Variants in ITCH observed in about 807,000 individuals in gnomAD.
ITCH encodes the protein itchy E3 ubiquitin protein ligase.
In ITCH, 28 loss-of-function variants were observed where a neutral mutation model predicts 126.8. That is an observed-to-expected ratio of 0.22 (90% confidence interval 0.16 to 0.30). The LOEUF (loss-of-function observed/expected upper bound fraction) is 0.30. Among genes scored for constraint, ITCH ranks in the 10% least tolerant of loss-of-function variants. The probability of loss-of-function intolerance (pLI) is 1.00; values close to 1 mark genes in which losing one functional copy is unlikely to be tolerated. For missense variants in ITCH, 631 were observed against 1,032.4 expected (o/e 0.61, Z 5.33); for synonymous variants, 342 against 340.0 (o/e 1.01, Z -0.06).
intron 20 of ITCH, among the ~76,000 whole-genome samples, chr20:34,483,573 C>T (rs972924951): frequency 1.3e-5 from 2 of 152,180 alleles, no homozygotes; most frequent in African/African-American, 4.8e-5. Flanking sequence ...AAAAGTTTCT[C>T]ATTTCCATCT....
intron 3 of ITCH, among the ~76,000 whole-genome samples, chr20:34,400,619 G>A (rs2038841531): frequency 6.8e-6 from 1 of 146,378 alleles, no homozygotes; most frequent in South Asian, 2.2e-4. Flanking sequence ...TTGTGTTTTA[G>A]AAAGTTAGAA....
chr20:34,384,776 T>A (rs1190607409), intron 2 of ITCH, among the ~76,000 whole-genome samples: 1 of 149,366 alleles, frequency 6.7e-6, no homozygotes, highest in Non-Finnish European at 1.5e-5. Flanking sequence ...TTCTCCTGCC[T>A]CAGCCTCCCA....
At chr20:34,456,001 G>A (rs375649050) in intron 12 of ITCH, among the ~76,000 whole-genome samples, 18 of 151,228 alleles carry the variant, frequency 1.2e-4, no homozygotes, top group African/African-American at 4.1e-4. Flanking sequence ...ATTAAGGAAC[G>A]AGATATGTTA....
intron 3 of ITCH, 99 bp from the exon 4 acceptor site, chr20:34,408,552 G>T: frequency 8.8e-7 from 1 of 1,134,164 alleles, no homozygotes; most frequent in Non-Finnish European, 1.3e-6. Context: ...CTGCTTCTCT[G>T]AGTAAATTTA....
chr20:34,470,795 G>A (rs1240219910), intron 15 of ITCH, among the ~76,000 whole-genome samples: 1 of 152,074 alleles, frequency 6.6e-6, no homozygotes, highest in African/African-American at 2.4e-5. Context: ...ATGTTGCCCA[G>A]GCTGGTTTTG....
intron 2 of ITCH, among the ~76,000 whole-genome samples, chr20:34,381,356 C>T (rs887174937): frequency 6.6e-5 from 10 of 151,768 alleles, no homozygotes; most frequent in South Asian, 4.2e-4. Flanking sequence ...AATCTCAGCT[C>T]ACTGCAGCCT....
chr20:34,472,765 A>G (rs1987772715), intron 16 of ITCH, among the ~76,000 whole-genome samples: 1 of 152,230 alleles, frequency 6.6e-6, no homozygotes, highest in African/African-American at 2.4e-5. Context: ...GTAGGAGCAG[A>G]AAACTTTTTA....
rs1199023067 is a variant in ITCH, at chr20:34,389,057, A to G, written c.-21-4734A>G. Among the ~76,000 whole-genome samples, 3 of 152,194 alleles carry G rather than the reference A, an allele frequency of 2.0e-5. No homozygotes were observed. In the East Asian group the frequency reaches 5.8e-4, roughly 29 times the overall value. Reference sequence around the variant, plus strand: ...CCACCACATATAACCACGTCAGTGCATGCTCTGAAGTACGCCCTGTGGAAC... The same window carrying G: ...CCACCACATATAACCACGTCAGTGCGTGCTCTGAAGTACGCCCTGTGGAAC... On this transcript the variant is annotated intron_variant, in intron 2 of 24. Coordinates refer to ENST00000374864, the MANE Select transcript of ITCH (RefSeq NM_031483.7).
chr20:34,419,336 A>ATAT (rs1980416757), intron 6 of ITCH, among the ~76,000 whole-genome samples: 1 of 152,108 alleles, frequency 6.6e-6, no homozygotes, highest in South Asian at 2.1e-4. Context: ...TTTTCTTCCT[A>ATAT]TATTATTCCT....
At chr20:34,419,742 C>T (rs776375906) in intron 6 of ITCH, among the ~76,000 whole-genome samples, 31 of 152,202 alleles carry the variant, frequency 2.0e-4, no homozygotes, top group Non-Finnish European at 4.3e-4. Context: ...GCAAGCTCCG[C>T]CTTGCCGGTT....
intron 22 of ITCH, 56 bp from the exon 23 acceptor site, chr20:34,492,445 T>G (rs1474757318): frequency 5.7e-6 from 6 of 1,061,766 alleles, no homozygotes; most frequent in Non-Finnish European, 8.8e-6. Context: ...CTTTCTTGTT[T>G]AGTGTGCTGA....
At chr20:34,464,101 A>T (rs1199127772) in intron 14 of ITCH, among the ~76,000 whole-genome samples, 1 of 150,466 alleles carries the variant, frequency 6.6e-6, no homozygotes, top group African/African-American at 2.4e-5. Flanking sequence ...CAGCCTCCGA[A>T]GTAGCTGGGC....
chr20:34,445,260 G>GTTTT (rs376762756), intron 10 of ITCH, 27 bp from the exon 11 acceptor site: 1,108 of 1,433,868 alleles, frequency 7.7e-4, no homozygotes, highest in South Asian at 1.6e-3. Flanking sequence ...GAATTAGCTT[G>GTTTT]TTTTTTTTTT....
At chr20:34,449,369 G>A in intron 11 of ITCH, 42 bp from the exon 12 acceptor site, 1 of 1,207,926 alleles carries the variant, frequency 8.3e-7, no homozygotes, top group Non-Finnish European at 1.2e-6. Flanking sequence ...CAGATAAGTT[G>A]TTAAGTTGTT....
intron 7 of ITCH, among the ~76,000 whole-genome samples, chr20:34,425,874 G>T (rs1981446720): frequency 6.6e-6 from 1 of 152,218 alleles, no homozygotes; most frequent in African/African-American, 2.4e-5. Context: ...TTGAGCGCCG[G>T]TCTCCTGGGC....
At chr20:34,499,174 C>T (rs934892413) in intron 23 of ITCH, among the ~76,000 whole-genome samples, 2 of 150,092 alleles carry the variant, frequency 1.3e-5, no homozygotes, top group African/African-American at 4.9e-5. Context: ...CGGGGTTTCA[C>T]CGCGTTAGCC....
At chr20:34,488,387 T>C (rs1413666051) in intron 20 of ITCH, among the ~76,000 whole-genome samples, 1 of 152,184 alleles carries the variant, frequency 6.6e-6, no homozygotes, top group African/African-American at 2.4e-5. Context: ...AATCCTCATG[T>C]CGTAGAGACA....
At chr20:34,369,311 G>T in intron 1 of ITCH, 83 bp from the exon 2 acceptor site, 1 of 384,948 alleles carries the variant, frequency 2.6e-6, no homozygotes, top group South Asian at 1.4e-4. Flanking sequence ...CTAGCCTGGC[G>T]ACAGAGCAAG....
chr20:34,387,101 G>A (rs886991931), intron 2 of ITCH, among the ~76,000 whole-genome samples: 5 of 151,822 alleles, frequency 3.3e-5, no homozygotes, highest in African/African-American at 9.7e-5. Context: ...TCAGGCATTC[G>A]AGACCAGCCT....
Sources: allele counts gnomAD v4.1 joint callset (sites outside exome capture counted in the v4.1 genomes callset), GRCh38; gene constraint gnomAD v4.1.1; transcripts MANE v1.5; gene names NCBI Gene and HGNC (gene_info 2026-07-23, HGNC 2026-07-21).